The following SLC4A4 variants were observed in gnomAD, a reference collection of about 807,000 sequenced individuals.
The protein encoded by SLC4A4 is solute carrier family 4 member 4.
A neutral mutation model predicts 111.5 loss-of-function variants in SLC4A4; 27 were observed. The ratio of observed to expected loss-of-function variants is 0.24; its 90% CI spans 0.18 to 0.33. The LOEUF is 0.33. Ranked by LOEUF, SLC4A4 falls within the 10% of genes least tolerant of loss-of-function variation. The probability of loss-of-function intolerance (pLI) is 1.00; values close to 1 mark genes in which losing one functional copy is unlikely to be tolerated. For missense variants in SLC4A4, 909 were observed against 1,315.5 expected (o/e 0.69, Z 4.78); for synonymous variants, 443 against 463.4 (o/e 0.96, Z 0.57).
At chr4:71,241,570 G>A (rs1720226499) in intron 2 of SLC4A4, among the ~76,000 whole-genome samples, 2 of 152,112 alleles carry the variant, frequency 1.3e-5, no homozygotes, top group South Asian at 4.1e-4. Context: ...TTCTGAGAAG[G>A]AGTGAATGAA....
Position 71,446,859 on chromosome 4 carries a change from G to A in SLC4A4, c.966-787G>A, listed in dbSNP as rs1725278918. Among the ~76,000 whole-genome samples the A allele has an allele frequency of 1.3e-5, 2 of 152,180 alleles. 1 individual carries two copies. Among genetic ancestry groups the A allele is most frequent in the South Asian group, 4.1e-4 (2 of 4,836 alleles). On this transcript the variant is annotated intron_variant, in intron 8 of 25. Coordinates refer to ENST00000264485, the MANE Select transcript of SLC4A4 (RefSeq NM_001098484.3). Reference sequence around the variant, plus strand: ...TACTCATCAGATCCCCGCATCCACAGTGCCAACATGCCACAGGGCAAAGGC... The same window carrying A: ...TACTCATCAGATCCCCGCATCCACAATGCCAACATGCCACAGGGCAAAGGC...
chr4:71,155,062 A>G (rs897494226), intron 2 of SLC4A4, among the ~76,000 whole-genome samples: 4 of 140,998 alleles, frequency 2.8e-5, no homozygotes, highest in Non-Finnish European at 6.1e-5. Context: ...ATTTTGTGAT[A>G]TTTGTTTTTA....
intron 6 of SLC4A4, among the ~76,000 whole-genome samples, chr4:71,395,809 A>C (rs1719771466): frequency 6.6e-6 from 1 of 152,166 alleles, no homozygotes; most frequent in African/African-American, 2.4e-5. Flanking sequence ...CTTACATATA[A>C]ATTATTTGAT....
At chr4:71,445,928 A>G (rs1009198888) in intron 8 of SLC4A4, among the ~76,000 whole-genome samples, 4 of 152,188 alleles carry the variant, frequency 2.6e-5, no homozygotes, top group African/African-American at 4.8e-5. Flanking sequence ...TTCAGTGTTA[A>G]AAGAGCTGAA....
chr4:71,542,950 G>A (rs1349396372), intron 18 of SLC4A4, among the ~76,000 whole-genome samples: 1 of 152,116 alleles, frequency 6.6e-6, no homozygotes, highest in Non-Finnish European at 1.5e-5. Flanking sequence ...GGTACGCACT[G>A]TGCCAAGTGC....
At chr4:71,516,173 G>C (rs1732377505) in intron 16 of SLC4A4, among the ~76,000 whole-genome samples, 2 of 120,868 alleles carry the variant, frequency 1.7e-5, no homozygotes, top group African/African-American at 6.2e-5. Context: ...TTGGCTCACT[G>C]CAAGCTCTGC....
At chr4:71,480,248 G>A (rs1338273896) in intron 14 of SLC4A4, among the ~76,000 whole-genome samples, 2 of 151,380 alleles carry the variant, frequency 1.3e-5, no homozygotes, top group East Asian at 2.0e-4. Context: ...GCACACCATC[G>A]TAGATGAACT....
At chr4:71,512,246 A>G (rs1291819535) in intron 16 of SLC4A4, among the ~76,000 whole-genome samples, 1 of 152,170 alleles carries the variant, frequency 6.6e-6, no homozygotes, top group Non-Finnish European at 1.5e-5. Flanking sequence ...TACCAACCAT[A>G]TAAAACATTT....
chr4:71,325,093 A>G (rs1478411157), intron 3 of SLC4A4, among the ~76,000 whole-genome samples: 2 of 152,104 alleles, frequency 1.3e-5, no homozygotes, highest in East Asian at 3.9e-4. Context: ...CTAATTTGAA[A>G]GAGAAAAAGT....
chr4:71,537,496 A>T (rs1417889733), intron 18 of SLC4A4, among the ~76,000 whole-genome samples: 1 of 151,928 alleles, frequency 6.6e-6, no homozygotes, highest in East Asian at 1.9e-4. Context: ...TAATTTATAA[A>T]AGGCCAGATA....
chr4:71,106,222 G>A (rs1169701826), intron 2 of SLC4A4, among the ~76,000 whole-genome samples: 1,834 of 149,130 alleles, frequency 0.012, 48 homozygotes, highest in African/African-American at 0.043. Context: ...ACCACAATGA[G>A]CTACCATCTC....
intron 16 of SLC4A4, among the ~76,000 whole-genome samples, chr4:71,507,275 C>A (rs1159274947): frequency 2.0e-5 from 3 of 152,088 alleles, no homozygotes; most frequent in Non-Finnish European, 4.4e-5. Context: ...GGGCTAAATG[C>A]CCCAGTTAAA....
chr4:71,169,060 C>T (rs1315374685), intron 2 of SLC4A4, among the ~76,000 whole-genome samples: 1 of 151,726 alleles, frequency 6.6e-6, no homozygotes, highest in Non-Finnish European at 1.5e-5. Flanking sequence ...CTCTTGTTGC[C>T]CCGGCTGGAG....
chr4:71,165,031 A>G (rs529243864), intron 2 of SLC4A4, among the ~76,000 whole-genome samples: 3 of 152,244 alleles, frequency 2.0e-5, no homozygotes, highest in African/African-American at 7.2e-5. Context: ...CAGAATGGTG[A>G]TCATTAAAAA....
chr4:71,470,556 G>T (rs73828161), intron 13 of SLC4A4, among the ~76,000 whole-genome samples: 2,795 of 152,098 alleles, frequency 0.018, 76 homozygotes, highest in African/African-American at 0.063. Flanking sequence ...TTGGATAAAT[G>T]ATTTAACTTC....
At chr4:71,301,081 A>T in intron 3 of SLC4A4, 1 of 393,254 alleles carries the variant, frequency 2.5e-6, no homozygotes, top group Non-Finnish European at 5.1e-6. Flanking sequence ...TCCACAGCTG[A>T]GGAGGGCTGG....
At chr4:71,081,078 T>C (rs1203514699) in intron 1 of SLC4A4, among the ~76,000 whole-genome samples, 2 of 152,114 alleles carry the variant, frequency 1.3e-5, no homozygotes, top group Non-Finnish European at 2.9e-5. Context: ...TATTTTATTA[T>C]ATATTTTTCC....
chr4:71,152,961 G>T (rs1201882824), intron 2 of SLC4A4, among the ~76,000 whole-genome samples: 1 of 144,316 alleles, frequency 6.9e-6, no homozygotes, highest in Middle Eastern at 3.3e-3. Context: ...ATATGTGTGT[G>T]TGTGTATATA....
At chr4:71,229,957 C>G (rs532835754) in intron 1 of SLC4A4, among the ~76,000 whole-genome samples, 95 of 151,968 alleles carry the variant, frequency 6.3e-4, no homozygotes, top group Non-Finnish European at 1.1e-3. Context: ...TCGCTCTTCC[C>G]TGTCGCCTGG....
Sources: allele counts gnomAD v4.1 joint callset (sites outside exome capture counted in the v4.1 genomes callset), GRCh38; gene constraint gnomAD v4.1.1; transcripts MANE v1.5; gene names NCBI Gene and HGNC (gene_info 2026-07-23, HGNC 2026-07-21).